Variants in TBC1D16 observed in about 807,000 individuals in gnomAD.
The protein encoded by TBC1D16 is TBC1 domain family member 16, also known as CTD-2529O21.1.
Under a neutral mutation model 74.7 loss-of-function variants are expected in TBC1D16, and 58 were observed. The observed-to-expected ratio is 0.78, with a 90% CI of 0.63 to 0.97. The LOEUF is 0.97. Among genes scored for constraint, TBC1D16 ranks in the 50% least tolerant of loss-of-function variants. The pLI is 0.00. For missense variants in TBC1D16, 1,014 were observed against 1,079.5 expected, an observed-to-expected ratio of 0.94 and a Z score of 0.85; for synonymous variants, 493 against 474.7, an observed-to-expected ratio of 1.04 and a Z score of -0.50.
In TBC1D16 at chr17:79,950,725, G is replaced by T. The variant is rs1177692851; in HGVS notation, c.1090-147C>A. The stretch of plus-strand genomic sequence containing the variant: ...CTGCATACAAACCCCTAAATGGCGA[G>T]TGTAATTAGGCGCAATTAAAATGAA... On this transcript the variant is annotated intron_variant, in intron 5 of 11. Coordinates refer to ENST00000310924, the MANE Select transcript of TBC1D16 (RefSeq NM_019020.4). This position sits in a 1 kb window ranked among gnomAD's most constrained non-coding sequence, Gnocchi z 4.6. The T allele has an allele frequency of 2.0e-6, 3 of 1,536,204 alleles. No homozygotes were observed. The highest frequency in any genetic ancestry group is 2.4e-5 in the East Asian group (1 of 41,078).
At chr17:80,006,775 C>T (rs1232685067) in intron 3 of TBC1D16, among the ~76,000 whole-genome samples, 1 of 152,114 alleles carries the variant, frequency 6.6e-6, no homozygotes, top group Non-Finnish European at 1.5e-5. Flanking sequence ...CCTCCTGCCT[C>T]AGCCTCCTGA....
intron 3 of TBC1D16, 61 bp from the exon 4 acceptor site, chr17:79,952,879 G>T (rs2033149721): frequency 3.2e-6 from 5 of 1,545,700 alleles, no homozygotes; most frequent in Non-Finnish European, 4.4e-6. Context: ...ACCCAGAGGG[G>T]GACGGGGGTC....
chr17:80,030,502 C>T (rs974566816), intron 1 of TBC1D16, among the ~76,000 whole-genome samples: 4 of 152,190 alleles, frequency 2.6e-5, no homozygotes, highest in Admixed American at 1.3e-4. Flanking sequence ...CATCAGTTCC[C>T]AAACAGGAAA....
rs185148246 is a variant in TBC1D16, at chr17:79,961,232, G to T, written c.780-8414C>A. The stretch of plus-strand genomic sequence containing the variant: ...AAGTGAAAGAAGCCAGACACAAAAG[G>T]CTACATGAGAAGATACTCAGCATCC... On this transcript the variant is annotated intron_variant, in intron 3 of 11. Transcript: ENST00000310924. This position sits in a 1 kb window ranked among gnomAD's most constrained non-coding sequence, Gnocchi z 4.8. 7.9e-5 allele frequency among the ~76,000 whole-genome samples: 12 copies of T among 152,160 alleles called. No individual in the cohort carries two copies. The highest frequency in any genetic ancestry group is 2.6e-4 in the Admixed American group (4 of 15,276).
Position 79,986,376 on chromosome 17 carries a change from C to T in TBC1D16, c.779+23784G>A, listed in dbSNP as rs1437378972. 6.6e-6 allele frequency among the ~76,000 whole-genome samples: 1 copy of T among 152,210 alleles called. No individual in the cohort carries two copies. The highest frequency in any genetic ancestry group is 1.5e-5 in the Non-Finnish European group (1 of 68,042). ...TCTTAGACAGAAGTCTGGGCAGACG[C>T]AAATGTGCAGCGTTTCAAAGCAAAG... On this transcript the variant is annotated intron_variant, in intron 3 of 11. Transcript: ENST00000310924. This position sits in a 1 kb window ranked among gnomAD's most constrained non-coding sequence, Gnocchi z 6.0.
chr17:79,932,732 A>G lies in TBC1D16; in HGVS notation c.*8127T>C, dbSNP rs552066270. The G allele has an allele frequency of 6.6e-6, 1 of 152,310 alleles. No individual in the cohort carries two copies. The highest frequency in any genetic ancestry group is 2.1e-4 in the South Asian group (1 of 4,820). 9.4% of individuals were successfully genotyped at this position (152,310 alleles called of 1,614,324 possible). A position where few individuals can be genotyped will look rare whatever the true frequency, so the allele number is the denominator to read the frequency against. Reference sequence around the variant, plus strand: ...AAGGCTTCCCACTTTGGTGACTTGCATGTGCCCCTCTTTGTTGAGGGGGTT... The same window carrying G: ...AAGGCTTCCCACTTTGGTGACTTGCGTGTGCCCCTCTTTGTTGAGGGGGTT... On this transcript the variant is annotated 3_prime_UTR_variant, in exon 12 of 12. Transcript: ENST00000310924.
chr17:79,937,120 A>G lies in TBC1D16; in HGVS notation c.*3739T>C, dbSNP rs2031667031. 2 of 152,044 alleles carry G rather than the reference A, an allele frequency of 1.3e-5. No homozygotes were observed. Among genetic ancestry groups the G allele is most frequent in the Admixed American group, 1.3e-4 (2 of 15,276 alleles). 9.4% of individuals were successfully genotyped at this position (152,044 alleles called of 1,614,324 possible). A position where few individuals can be genotyped will look rare whatever the true frequency, so the allele number is the denominator to read the frequency against. On this transcript the variant is annotated 3_prime_UTR_variant, in exon 12 of 12. Coordinates refer to ENST00000310924, the MANE Select transcript of TBC1D16 (RefSeq NM_019020.4). ...TTGGCACCCCCAGCCCCCACCCCGC[A>G]AGGGAAAGGGGAAGCTGCACGAGGA...
chr17:79,979,284 C>G lies in TBC1D16; in HGVS notation c.780-26466G>C, dbSNP rs546400996. On this transcript the variant is annotated intron_variant, in intron 3 of 11. Transcript: ENST00000310924. The surrounding 1 kb of genome is among the most constrained non-coding windows in gnomAD (Gnocchi z 4.8). Reference sequence around the variant, plus strand: ...TGCACACCCACGCCCAGAGCACACGCGCTCCGGGGACGCACACCCACGCCC... The same window carrying G: ...TGCACACCCACGCCCAGAGCACACGGGCTCCGGGGACGCACACCCACGCCC... 6.6e-6 allele frequency among the ~76,000 whole-genome samples: 1 copy of G among 152,000 alleles called. No homozygotes were observed. The highest frequency in any genetic ancestry group is 1.5e-5 in the Non-Finnish European group (1 of 67,948).
intron 1 of TBC1D16, among the ~76,000 whole-genome samples, chr17:80,028,914 C>T (rs1045155187): frequency 3.9e-5 from 6 of 152,102 alleles, no homozygotes; most frequent in African/African-American, 1.4e-4. Flanking sequence ...CCCGAGCCGA[C>T]CAGTTGATTT....
At chr17:80,024,705 CGA>C (rs2143253430) in intron 1 of TBC1D16, among the ~76,000 whole-genome samples, 1 of 143,368 alleles carries the variant, frequency 7.0e-6, no homozygotes, top group Non-Finnish European at 1.5e-5. Flanking sequence ...ATGCCACACA[CGA>C]CACACCATAG....
intron 7 of TBC1D16, 61 bp from the exon 8 acceptor site, chr17:79,949,067 G>A (rs761752560): frequency 1.9e-5 from 30 of 1,602,420 alleles, no homozygotes; most frequent in Non-Finnish European, 2.6e-5. Flanking sequence ...ATCGTGTGGC[G>A]CACACACTGC....
intron 3 of TBC1D16, among the ~76,000 whole-genome samples, chr17:80,006,676 CCAGA>C (rs943854547): frequency 1.3e-5 from 2 of 148,732 alleles, no homozygotes; most frequent in African/African-American, 5.0e-5. Context: ...TTTTTTTTTT[CCAGA>C]CAGAGTATCT....
In TBC1D16 at chr17:79,994,517, G is replaced by A. The variant is rs929104556; in HGVS notation, c.779+15643C>T. On this transcript the variant is annotated intron_variant, in intron 3 of 11. Coordinates refer to ENST00000310924, the MANE Select transcript of TBC1D16 (RefSeq NM_019020.4). The surrounding 1 kb of genome is among the most constrained non-coding windows in gnomAD (Gnocchi z 4.6). ...CAGCTCACTGCAACCTCTGCCTCCT[G>A]GGTTCAAGCAATTCTCCTGTCTCAG... 2.6e-5 allele frequency among the ~76,000 whole-genome samples: 4 copies of A among 152,154 alleles called. No individual in the cohort carries two copies. The highest frequency in any genetic ancestry group is 1.3e-4 in the Admixed American group (2 of 15,278).
intron 1 of TBC1D16, among the ~76,000 whole-genome samples, chr17:80,020,172 ATCT>A (rs916590726): frequency 2.0e-5 from 3 of 149,840 alleles, no homozygotes; most frequent in Admixed American, 2.0e-4. Flanking sequence ...CGACACCTTG[ATCT>A]TAGACTTCCT....
At chr17:80,018,103 G>A (rs796264543) in intron 1 of TBC1D16, among the ~76,000 whole-genome samples, 13 of 150,250 alleles carry the variant, frequency 8.7e-5, no homozygotes, top group African/African-American at 1.7e-4. Context: ...AAAATTGCTC[G>A]CCGTCCTCTA....
Position 79,994,983 on chromosome 17 carries a change from C to G in TBC1D16, c.779+15177G>C. Among the ~76,000 whole-genome samples the G allele has an allele frequency of 6.6e-6, 1 of 152,140 alleles. No homozygotes were observed. Among genetic ancestry groups the G allele is most frequent in the East Asian group, 1.9e-4 (1 of 5,190 alleles). On this transcript the variant is annotated intron_variant, in intron 3 of 11. Transcript: ENST00000310924. The surrounding 1 kb of genome is among the most constrained non-coding windows in gnomAD (Gnocchi z 4.6). ...AAATTTTCACCTTTTTGTTTGTTTT[C>G]TTTTTGTTTTTTGACTTGTAAAAAT... is the stretch of plus-strand genomic sequence containing the variant.
At chr17:79,965,263 G>A (rs2143990200) in intron 3 of TBC1D16, among the ~76,000 whole-genome samples, 1 of 152,014 alleles carries the variant, frequency 6.6e-6, no homozygotes, top group East Asian at 1.9e-4. Context: ...TGAATTTTTA[G>A]TAGAGACAGG....
At chr17:79,998,061 G>A (rs191505232) in intron 3 of TBC1D16, among the ~76,000 whole-genome samples, 1 of 148,662 alleles carries the variant, frequency 6.7e-6, no homozygotes, top group African/African-American at 2.5e-5. Context: ...GGAGGTGGAG[G>A]TTGCAGTGAG....
rs2034923687 is a variant in TBC1D16 at position 79,988,321 on chromosome 17, T to C, written c.779+21839A>G. Among the ~76,000 whole-genome samples the C allele has an allele frequency of 6.6e-6, 1 of 152,202 alleles. No homozygotes were observed. Among genetic ancestry groups the C allele is most frequent in the African/African-American group, 2.4e-5 (1 of 41,460 alleles). ...ACACGCTGAACAAACACCACCACCC[T>C]GAAAAGTCACCAGCCCATGGGCCTC... On this transcript the variant is annotated intron_variant, in intron 3 of 11. Coordinates refer to ENST00000310924, the MANE Select transcript of TBC1D16 (RefSeq NM_019020.4). The surrounding 1 kb of genome is among the most constrained non-coding windows in gnomAD (Gnocchi z 5.7).
Sources: allele counts gnomAD v4.1 joint callset (sites outside exome capture counted in the v4.1 genomes callset), GRCh38; gene constraint gnomAD v4.1.1; non-coding constraint Gnocchi (gnomAD v3.1); transcripts MANE v1.5; gene names NCBI Gene and HGNC (gene_info 2026-07-23, HGNC 2026-07-21).